CCDC191: variants seen among roughly 807,000 people sequenced by gnomAD.
The protein encoded by CCDC191 is coiled-coil domain-containing protein 191.
Under a neutral mutation model 114.0 loss-of-function variants are expected in CCDC191, and 99 were observed. That is an observed-to-expected ratio of 0.87 (90% CI 0.74 to 1.03). The LOEUF (loss-of-function observed/expected upper bound fraction) is 1.03. Ranked by LOEUF, CCDC191 falls within the 50% of genes least tolerant of loss-of-function variation. The pLI is 0.00. For missense variants in CCDC191, 973 were observed against 1,087.0 expected (o/e 0.90, Z 1.47); for synonymous variants, 351 against 376.0 (o/e 0.93, Z 0.77).
intron 13 of CCDC191, among the ~76,000 whole-genome samples, chr3:113,987,599 A>G (rs892533209): frequency 1.3e-5 from 2 of 152,166 alleles, no homozygotes; most frequent in African/African-American, 2.4e-5. Flanking sequence ...GGGTCTTGCT[A>G]TGTTACCCAC....
At chr3:114,038,561 A>T (rs1287226187) in intron 4 of CCDC191, among the ~76,000 whole-genome samples, 3 of 152,192 alleles carry the variant, frequency 2.0e-5, no homozygotes, top group Non-Finnish European at 4.4e-5. Context: ...TATTGTGAAG[A>T]GTGTGTGCTG....
intron 7 of CCDC191, among the ~76,000 whole-genome samples, chr3:114,020,488 A>G (rs1180157332): frequency 6.6e-6 from 1 of 152,136 alleles, no homozygotes; most frequent in Admixed American, 6.6e-5. Context: ...CTAGACCTTC[A>G]CCTTAGATCT....
chr3:114,041,606 G>A (rs1481534903), intron 4 of CCDC191, among the ~76,000 whole-genome samples: 1 of 152,156 alleles, frequency 6.6e-6, no homozygotes, highest in Non-Finnish European at 1.5e-5. Context: ...CTGGGTTGGC[G>A]AGGAGGGTAG....
chr3:114,033,085 TC>T (rs1388497174), intron 6 of CCDC191, among the ~76,000 whole-genome samples: 1 of 143,954 alleles, frequency 6.9e-6, no homozygotes, highest in African/African-American at 2.9e-5. Flanking sequence ...CATCCATATT[TC>T]TTTTTTTTTT....
intron 16 of CCDC191, among the ~76,000 whole-genome samples, chr3:113,968,254 C>T (rs74675483): frequency 7.9e-5 from 12 of 152,162 alleles, no homozygotes; most frequent in Non-Finnish European, 2.9e-5. Flanking sequence ...CCCACCAACA[C>T]TGTGTGAGGG....
At chr3:114,006,109 C>T (rs2075954435) in intron 9 of CCDC191, 147 bp from the exon 10 acceptor site, 1 of 742,380 alleles carries the variant, frequency 1.3e-6, no homozygotes, top group South Asian at 1.5e-5. Context: ...GCCTGGCTAC[C>T]TCAGAGGCCA....
At chr3:113,981,062 T>C (rs551999023) in intron 13 of CCDC191, among the ~76,000 whole-genome samples, 2 of 152,284 alleles carry the variant, frequency 1.3e-5, no homozygotes, top group East Asian at 3.9e-4. Context: ...AATTTCTCTC[T>C]CACCAAGTAA....
chr3:114,028,052 C>T (rs958178332), intron 7 of CCDC191, among the ~76,000 whole-genome samples: 1 of 152,018 alleles, frequency 6.6e-6, no homozygotes, highest in Non-Finnish European at 1.5e-5. Flanking sequence ...ACCATGTTAC[C>T]CCATATACGC....
intron 1 of CCDC191, 120 bp downstream of exon 1, chr3:114,056,257 G>C: frequency 2.1e-6 from 2 of 934,160 alleles, no homozygotes; most frequent in Middle Eastern, 2.5e-4. Context: ...GGGCGGTCAA[G>C]GCAGGGGCGT....
intron 4 of CCDC191, among the ~76,000 whole-genome samples, chr3:114,037,277 T>C (rs1046084756): frequency 1.3e-5 from 2 of 152,154 alleles, no homozygotes; most frequent in Non-Finnish European, 2.9e-5. Flanking sequence ...TCATGCTGAT[T>C]TGTAAACTCT....
chr3:113,985,445 T>C (rs2075318357), intron 13 of CCDC191, among the ~76,000 whole-genome samples: 1 of 152,040 alleles, frequency 6.6e-6, no homozygotes, highest in Non-Finnish European at 1.5e-5. Flanking sequence ...GGTCACAGAC[T>C]GAGACAGTGG....
intron 13 of CCDC191, among the ~76,000 whole-genome samples, chr3:113,991,473 T>C (rs1468158466): frequency 6.6e-6 from 1 of 152,108 alleles, no homozygotes; most frequent in East Asian, 1.9e-4. Context: ...TTCAGTGAAA[T>C]TTGTAATAAA....
At chr3:114,006,619 A>AATATAT (rs935793851) in intron 9 of CCDC191, among the ~76,000 whole-genome samples, 1 of 92,548 alleles carries the variant, frequency 1.1e-5, no homozygotes, top group South Asian at 3.4e-4. Flanking sequence ...TATATATATA[A>AATATAT]ATATATATAT....
At chr3:114,000,364 T>A (rs2075831379) in intron 13 of CCDC191, among the ~76,000 whole-genome samples, 1 of 152,182 alleles carries the variant, frequency 6.6e-6, no homozygotes, top group Admixed American at 6.5e-5. Flanking sequence ...ATTTATGCCA[T>A]CAACTCCCCT....
intron 4 of CCDC191, among the ~76,000 whole-genome samples, chr3:114,042,091 ACT>A (rs1309413781): frequency 6.6e-6 from 1 of 152,186 alleles, no homozygotes; most frequent in African/African-American, 2.4e-5. Flanking sequence ...ACATATGAGT[ACT>A]TAAATGTAGT....
rs912367901 is a variant in CCDC191 at position 114,040,231 on chromosome 3, G to A, written c.415+2472C>T. Among the ~76,000 whole-genome samples, 8 of 152,178 alleles carry A rather than the reference G, an allele frequency of 5.3e-5. No individual in the cohort carries two copies. In the South Asian group the frequency reaches 1.7e-3, roughly 31 times the overall value. ...ATAGCCTATCTCACATAGCTTAGGT[G>A]TGTAGTAGGCTCTATCATCCAGGTT... On this transcript the variant is annotated intron_variant, in intron 4 of 16. Coordinates refer to ENST00000295878, the MANE Select transcript of CCDC191 (RefSeq NM_020817.2).
At position 114,008,555 on chromosome 3, in the gene CCDC191, A is replaced by G. The variant is rs142859689; in HGVS notation, c.1413+2217T>C. ...AGCTCTTCTCCACAAGGTTTTCTAA[A>G]CATGACAAGAGCAGTGATAAAAGAA... On this transcript the variant is annotated intron_variant, in intron 9 of 16. Transcript: ENST00000295878. Among the ~76,000 whole-genome samples the G allele has an allele frequency of 3.2e-3, 488 of 152,190 alleles. 9 individuals are homozygous for G. The highest frequency in any genetic ancestry group is 0.027 in the Admixed American group (412 of 15,260).
At position 114,011,008 on chromosome 3, in the gene CCDC191, C is replaced by T. The variant is rs2076060496; in HGVS notation, c.1177G>A (p.Ala393Thr). The T allele has an allele frequency of 6.2e-7, 1 of 1,610,590 alleles. No individual in the cohort carries two copies. Among genetic ancestry groups the T allele is most frequent in the Non-Finnish European group, 8.5e-7 (1 of 1,178,010 alleles). Residue 393 changes from alanine (A) to threonine (T), a missense_variant, in exon 9 of 17, where the codon GCC becomes ACC. Ala to Thr is a moderately conservative substitution (Grantham distance 58). Transcript: ENST00000295878. ...LREENRKQQL[A>T]TEYNRKQVLR... ...ACTTGTTTCCGGTTATACTCAGTGG[C>T]CAGTTGTTGTTTTCTAAGCAACAAA...
rs376912556 is a variant in CCDC191, at chr3:113,964,955, G to A, written c.*200C>T. ...GAATGTTCCTTTGGATGATCCCACT[G>A]TGATAAATGCTATAGTGAATGACTA... On this transcript the variant is annotated 3_prime_UTR_variant, in exon 17 of 17. Transcript: ENST00000295878. 1.8e-5 allele frequency: 7 copies of A among 395,344 alleles called. No homozygotes were observed. The highest frequency in any genetic ancestry group is 8.8e-5 in the Admixed American group (2 of 22,812). 24.5% of individuals were successfully genotyped at this position (395,344 alleles called of 1,614,324 possible).
Sources: gnomAD v4.1 joint callset for allele counts (sites outside exome capture counted in the v4.1 genomes callset) on GRCh38, gnomAD v4.1.1 for gene constraint, MANE v1.5 for transcripts, NCBI Gene and HGNC (gene_info 2026-07-23, HGNC 2026-07-21) for gene names.